DYNC2H1: variants seen among roughly 807,000 people sequenced by gnomAD.
DYNC2H1 encodes the protein cytoplasmic dynein 2 heavy chain 1.
In DYNC2H1, 410 loss-of-function variants were observed where a neutral mutation model predicts 570.0. The ratio of observed to expected loss-of-function variants is 0.72; its 90% CI spans 0.66 to 0.78. DYNC2H1 has a LOEUF of 0.78. DYNC2H1 is among the 30% of genes least tolerant of loss of function. The pLI is 0.00. For missense variants in DYNC2H1, 4,865 were observed against 5,046.4 expected, an observed-to-expected ratio of 0.96 and a Z score of 1.09; for synonymous variants, 1,688 against 1,677.6, an observed-to-expected ratio of 1.01 and a Z score of -0.15.
At position 103,223,788 on chromosome 11, in the gene DYNC2H1, G is replaced by T. The variant is rs548941716; in HGVS notation, c.9353+702G>T. ...TTTTGAGACAGAGTCTTGCTCTGTC[G>T]CCAGGCTGGAGTGCAGTGGCGCGAT... On this transcript the variant is annotated intron_variant, in intron 59 of 88. Coordinates refer to ENST00000375735, the MANE Select transcript of DYNC2H1 (RefSeq NM_001377.3). Among the ~76,000 whole-genome samples the T allele has an allele frequency of 2.8e-5, 4 of 144,298 alleles. No individual in the cohort carries two copies. In the South Asian group the frequency reaches 8.8e-4, roughly 32 times the overall value. The allele number at this position is 144,298 out of a possible 152,430, so 94.7% of individuals were successfully genotyped here.
At position 103,244,810 on chromosome 11, in the gene DYNC2H1, A is replaced by T; in HGVS notation, c.9919-441A>T. 6.7e-6 allele frequency among the ~76,000 whole-genome samples: 1 copy of T among 150,080 alleles called. No homozygotes were observed. Among genetic ancestry groups the T allele is most frequent in the East Asian group, 1.9e-4 (1 of 5,160 alleles). On this transcript the variant is annotated intron_variant, in intron 64 of 88. Transcript: ENST00000375735. The surrounding 1 kb of genome is among the most constrained non-coding windows in gnomAD (Gnocchi z 4.3). ...ACTATATCTATATATAGTCATAGTT[A>T]TAGACATATAAGTAACTATATAGTT... is the stretch of plus-strand genomic sequence containing the variant.
Position 103,152,113 on chromosome 11 carries a change from GTTTT to G in DYNC2H1, c.2947-13_2947-10del. 7.3e-7 allele frequency: 1 copy of G among 1,369,218 alleles called. No homozygotes were observed. The highest frequency in any genetic ancestry group is 9.9e-7 in the Non-Finnish European group (1 of 1,010,864). 84.8% of individuals were successfully genotyped at this position (1,369,218 alleles called of 1,614,324 possible). A position where few individuals can be genotyped will look rare whatever the true frequency, so the allele number is the denominator to read the frequency against. On this transcript the variant is annotated intron_variant, in intron 20 of 88. Transcript: ENST00000375735. Reference sequence around the variant, plus strand: ...GATAAAATAGGTTGTTATTCAATTTGTTTTTTTTTTTTTAACCTTTAGATTTTGC... The same window carrying G: ...GATAAAATAGGTTGTTATTCAATTTGTTTTTTTTTAACCTTTAGATTTTGC...
chr11:103,274,343 G>A (rs1865826363), intron 70 of DYNC2H1, among the ~76,000 whole-genome samples: 1 of 152,024 alleles, frequency 6.6e-6, no homozygotes, highest in Admixed American at 6.6e-5. Context: ...CTGGGCAACA[G>A]AGTGAGACCA....
At chr11:103,291,437 C>CAATAAATAAATAAATA (rs749615097) in intron 75 of DYNC2H1, among the ~76,000 whole-genome samples, 1 of 129,986 alleles carries the variant, frequency 7.7e-6, no homozygotes, top group Non-Finnish European at 1.7e-5. Flanking sequence ...GCCTCCATCT[C>CAATAAATAAATAAATA]AATAAATAAA....
At chr11:103,284,983 T>C (rs1358803109) in intron 73 of DYNC2H1, among the ~76,000 whole-genome samples, 1 of 152,220 alleles carries the variant, frequency 6.6e-6, no homozygotes, top group Non-Finnish European at 1.5e-5. Flanking sequence ...TTAAAGTGAA[T>C]ATTGAACGTG....
chr11:103,257,209 G>A (rs1265519161), intron 68 of DYNC2H1, among the ~76,000 whole-genome samples: 1 of 152,124 alleles, frequency 6.6e-6, no homozygotes, highest in Non-Finnish European at 1.5e-5. Context: ...TGAGAACACA[G>A]CAAGAAGCAG....
rs896787490 is a variant in DYNC2H1 at position 103,304,667 on chromosome 11, C to G, written c.11329C>G (p.Leu3777Val). The G allele has an allele frequency of 2.5e-6, 4 of 1,613,236 alleles. No individual in the cohort carries two copies. The African/African-American group carries it at 5.3e-5, about 22-fold the overall frequency. Residue 3777 changes from leucine (L) to valine (V), a missense_variant, in exon 77 of 89, where the codon CTC becomes GTC. Around this residue, in one of 5 missense-constraint regions of DYNC2H1, gnomAD observed 2,401 missense variants for 2,454.6 expected, o/e 0.98. Transcript: ENST00000375735. Reference sequence around the variant, plus strand: ...AGAATGTGCCCGCAATGGAGACTGGCTCTGTTTGAAGAACTTACATCTTGT... The same window carrying G: ...AGAATGTGCCCGCAATGGAGACTGGGTCTGTTTGAAGAACTTACATCTTGT... ...LKECARNGDW[L>V]CLKNLHLVVS...
intron 20 of DYNC2H1, among the ~76,000 whole-genome samples, chr11:103,149,809 G>C (rs1860446454): frequency 8.4e-6 from 1 of 119,476 alleles, no homozygotes; most frequent in Non-Finnish European, 1.9e-5. Context: ...AAAGAGGATT[G>C]AGAGAGAGAG....
chr11:103,287,742 C>A, intron 75 of DYNC2H1, 137 bp downstream of exon 75: 1 of 752,804 alleles, frequency 1.3e-6, no homozygotes, highest in Non-Finnish European at 2.0e-6. Context: ...ATCTTCCAAT[C>A]TCTACCTGTT....
chr11:103,391,909 TG>T (rs147044911), intron 83 of DYNC2H1, among the ~76,000 whole-genome samples: 66,514 of 151,994 alleles, frequency 0.44, 16,158 homozygotes, highest in Non-Finnish European at 0.55. Context: ...GTGCCCCTAC[TG>T]GGGGGTGCCT....
chr11:103,425,288 T>C (rs1391328119), intron 84 of DYNC2H1, among the ~76,000 whole-genome samples: 1 of 152,128 alleles, frequency 6.6e-6, no homozygotes, highest in Non-Finnish European at 1.5e-5. Flanking sequence ...TTTGATAGAC[T>C]GGGTGGCTTA....
In DYNC2H1 at chr11:103,304,686, A is replaced by C. The variant is rs1431316741; in HGVS notation, c.11348A>C (p.His3783Pro). Residue 3783 changes from histidine to proline, a missense_variant, in exon 77 of 89, where the codon CAT becomes CCT. His to Pro is a moderately conservative substitution (Grantham distance 77). This residue lies in a region of DYNC2H1 where 2,401 missense variants were observed against 2,454.6 expected (regional missense o/e 0.98). Coordinates refer to ENST00000375735, the MANE Select transcript of DYNC2H1 (RefSeq NM_001377.3). ...NGDWLCLKNL[H>P]LVVSWLPVLE... ...GACTGGCTCTGTTTGAAGAACTTAC[A>C]TCTTGTGGTATCTTGGCTGCCAGTT... is the stretch of plus-strand genomic sequence containing the variant. 3 of 1,613,034 alleles carry C rather than the reference A, an allele frequency of 1.9e-6. No homozygotes were observed. The highest frequency in any genetic ancestry group is 3.3e-5 in the Admixed American group (2 of 59,954).
chr11:103,218,916 G>A (rs1863480830), intron 55 of DYNC2H1, among the ~76,000 whole-genome samples: 1 of 152,174 alleles, frequency 6.6e-6, no homozygotes, highest in South Asian at 2.1e-4. Context: ...ACCAAGTTGT[G>A]TAACTTCTAA....
chr11:103,254,821 G>A lies in DYNC2H1; in HGVS notation c.10207-594G>A, dbSNP rs1864982470. On this transcript the variant is annotated intron_variant, in intron 66 of 88. Coordinates refer to ENST00000375735, the MANE Select transcript of DYNC2H1 (RefSeq NM_001377.3). This position sits in a 1 kb window ranked among gnomAD's most constrained non-coding sequence, Gnocchi z 4.9. ...GAGTCTGGCACTGTTGCCCAGGCTG[G>A]AGTGCAATGGCGCAATCTCGGCTCA... Among the ~76,000 whole-genome samples the A allele has an allele frequency of 6.6e-6, 1 of 152,014 alleles. No homozygotes were observed. Among genetic ancestry groups the A allele is most frequent in the Non-Finnish European group, 1.5e-5 (1 of 67,994 alleles).
At chr11:103,414,649 G>GCTAATCAGCCCAA (rs1943212865) in intron 84 of DYNC2H1, among the ~76,000 whole-genome samples, 1 of 151,926 alleles carries the variant, frequency 6.6e-6, no homozygotes, top group Non-Finnish European at 1.5e-5. Flanking sequence ...TCTCAGCCCA[G>GCTAATCAGCCCAA]AAACTCCTTA....
intron 85 of DYNC2H1, among the ~76,000 whole-genome samples, chr11:103,438,303 A>G (rs576657647): frequency 7.9e-5 from 12 of 152,232 alleles, no homozygotes; most frequent in African/African-American, 2.9e-4. Context: ...AGGGCCCGAT[A>G]GATCCCTTGT....
intron 12 of DYNC2H1, among the ~76,000 whole-genome samples, chr11:103,125,720 C>A (rs1858962651): frequency 6.6e-6 from 1 of 152,166 alleles, no homozygotes; most frequent in South Asian, 2.1e-4. Flanking sequence ...GTCTAAAAAT[C>A]AACTATTATC....
intron 84 of DYNC2H1, among the ~76,000 whole-genome samples, chr11:103,401,025 T>C (rs1371705321): frequency 6.6e-6 from 1 of 152,220 alleles, no homozygotes; most frequent in African/African-American, 2.4e-5. Flanking sequence ...TCATGAAAGA[T>C]TCTTGGCACA....
rs1163101020 is a variant in DYNC2H1, at chr11:103,470,673, TTA to T, written c.12765+1970_12765+1971del. On this transcript the variant is annotated intron_variant, in intron 88 of 88. Transcript: ENST00000375735. ...GAGTGAGAACATGTGGTGTTTGGTT[TTA>T]TGTCCTTGCGATAGTTTGCTGAGAA... 2.0e-5 allele frequency among the ~76,000 whole-genome samples: 3 copies of T among 152,188 alleles called. No individual in the cohort carries two copies. The South Asian group carries it at 6.2e-4, about 32-fold the overall frequency.
Sources: gnomAD v4.1 joint callset for allele counts (sites outside exome capture counted in the v4.1 genomes callset) on GRCh38, gnomAD v4.1.1 for gene constraint, gnomAD v4.1.1 regional missense constraint, Gnocchi (gnomAD v3.1) non-coding constraint, MANE v1.5 for transcripts, NCBI Gene and HGNC (gene_info 2026-07-23, HGNC 2026-07-21) for gene names.